CPSF2: variants seen among roughly 807,000 people sequenced by gnomAD.
CPSF2 encodes the protein cleavage and polyadenylation specific factor 2.
In CPSF2, 51 loss-of-function variants were observed where a neutral mutation model predicts 84.2. That is an observed-to-expected ratio of 0.61 (90% confidence interval 0.48 to 0.77). The LOEUF (loss-of-function observed/expected upper bound fraction) is 0.77. Among genes scored for constraint, CPSF2 ranks in the 30% least tolerant of loss-of-function variants. CPSF2 has a pLI of 0.00. For synonymous variants in CPSF2, 286 were observed against 311.9 expected (o/e 0.92, Z 0.87); for missense variants, 641 against 929.4 (o/e 0.69, Z 4.03).
chr14:92,122,361 C>T (rs746878638), intron 1 of CPSF2: 14 of 165,942 alleles, frequency 8.4e-5, no homozygotes, highest in Non-Finnish European at 1.9e-4. Context: ...CGTACGGTTC[C>T]CTCCCGGGAT....
rs1281601865 is a variant in CPSF2 at position 92,169,535 on chromosome 14, G to A, written c.*7791G>A. 6.6e-6 allele frequency: 1 copy of A among 152,008 alleles called. No individual in the cohort carries two copies. Among genetic ancestry groups the A allele is most frequent in the South Asian group, 2.1e-4 (1 of 4,820 alleles). 9.4% of individuals were successfully genotyped at this position (152,008 alleles called of 1,614,324 possible). ...AACTTCACCCATAGGTCATGGTATA[G>A]TTGAAATTTCATATTTAAATATCAA... On this transcript the variant is annotated 3_prime_UTR_variant, in exon 16 of 16. Coordinates refer to ENST00000298875, the MANE Select transcript of CPSF2 (RefSeq NM_017437.3).
chr14:92,168,507 A>C lies in CPSF2; in HGVS notation c.*6763A>C, dbSNP rs1416475484. On this transcript the variant is annotated 3_prime_UTR_variant, in exon 16 of 16. Coordinates refer to ENST00000298875, the MANE Select transcript of CPSF2 (RefSeq NM_017437.3). ...TATACGCACATGCACACACAGCTCT[A>C]TTTTTTGGTGCTTTTCGTTCATTAT... 6.6e-6 allele frequency: 1 copy of C among 152,038 alleles called. No homozygotes were observed. Among genetic ancestry groups the C allele is most frequent in the Non-Finnish European group, 1.5e-5 (1 of 68,006 alleles). The allele number at this position is 152,038 out of a possible 1,614,324, so 9.4% of individuals were successfully genotyped here. A position where few individuals can be genotyped will look rare whatever the true frequency, so the allele number is the denominator to read the frequency against.
Position 92,171,668 on chromosome 14 carries a change from A to G in CPSF2, c.*9924A>G. 1 of 152,252 alleles carries G rather than the reference A, an allele frequency of 6.6e-6. No individual in the cohort carries two copies. The highest frequency in any genetic ancestry group is 6.5e-5 in the Admixed American group (1 of 15,286). The allele number at this position is 152,252 out of a possible 1,614,324, so 9.4% of individuals were successfully genotyped here. ...TCATTGCCCCTGTGCTAGCATTGCCACTGTGCGTTCTCCCAGTGGACAAAT... is the reference window on the plus strand; with the variant it reads ...TCATTGCCCCTGTGCTAGCATTGCCGCTGTGCGTTCTCCCAGTGGACAAAT... On this transcript the variant is annotated 3_prime_UTR_variant, in exon 16 of 16. Transcript: ENST00000298875.
chr14:92,164,732 A>G lies in CPSF2; in HGVS notation c.*2988A>G, dbSNP rs2069421064. 1 of 152,232 alleles carries G rather than the reference A, an allele frequency of 6.6e-6. No homozygotes were observed. The highest frequency in any genetic ancestry group is 1.5e-5 in the Non-Finnish European group (1 of 68,038). The allele number at this position is 152,232 out of a possible 1,614,324, so 9.4% of individuals were successfully genotyped here. ...GGTGGCCTGAAACAGAAGTGAGGAA[A>G]TCAATTTTTTAAGGTGAGCCATTTG... On this transcript the variant is annotated 3_prime_UTR_variant, in exon 16 of 16. Transcript: ENST00000298875.
At chr14:92,141,816 G>A (rs1455136643) in intron 7 of CPSF2, among the ~76,000 whole-genome samples, 1 of 152,106 alleles carries the variant, frequency 6.6e-6, no homozygotes, top group African/African-American at 2.4e-5. Flanking sequence ...AGGGTAGCCC[G>A]GAAACACCAG....
chr14:92,138,391 C>T, intron 7 of CPSF2, 44 bp downstream of exon 7: 1 of 1,048,598 alleles, frequency 9.5e-7, no homozygotes. Flanking sequence ...TATTTTGTAA[C>T]TTTTTGTATA....
Position 92,161,720 on chromosome 14 carries a change from A to T in CPSF2, c.2325A>T (p.Leu775Phe). The change falls in exon 16 of 16, where the codon TTA becomes TTT. Residue 775 changes from leucine to phenylalanine, a missense_variant. By Grantham distance (22) the Leu-to-Phe change is conservative (BLOSUM62 0). Around this residue, in one of 2 missense-constraint regions of CPSF2, gnomAD observed 430 missense variants for 553.6 expected, o/e 0.78. Transcript: ENST00000298875. ...CQDFYRIRDLLYEQYAIV is the reference protein window; with the variant it reads ...CQDFYRIRDLFYEQYAIV ...ATTTTTATAGGATAAGAGACCTTTT[A>T]TATGAACAATATGCCATTGTATAAA... 6.3e-7 allele frequency: 1 copy of T among 1,583,712 alleles called. No homozygotes were observed.
chr14:92,133,236 A>G (rs569041449), intron 3 of CPSF2, among the ~76,000 whole-genome samples: 78 of 152,078 alleles, frequency 5.1e-4, no homozygotes, highest in African/African-American at 1.8e-3. Context: ...CCTAACCAAC[A>G]TAGAGAAACC....
In CPSF2 at chr14:92,165,064, A is replaced by T. The variant is rs1179013106; in HGVS notation, c.*3320A>T. The T allele has an allele frequency of 6.6e-6, 1 of 152,216 alleles. No individual in the cohort carries two copies. The highest frequency in any genetic ancestry group is 2.4e-5 in the African/African-American group (1 of 41,468). The allele number at this position is 152,216 out of a possible 1,614,324, so 9.4% of individuals were successfully genotyped here. On this transcript the variant is annotated 3_prime_UTR_variant, in exon 16 of 16. Transcript: ENST00000298875. ...TTATGTTTGACTTCTTTCACTTAGCATAATGTTTTCAGAGTGCATCACTGT... is the reference window on the plus strand; with the variant it reads ...TTATGTTTGACTTCTTTCACTTAGCTTAATGTTTTCAGAGTGCATCACTGT...
At chr14:92,133,400 A>G (rs999846677) in intron 3 of CPSF2, among the ~76,000 whole-genome samples, 1 of 152,102 alleles carries the variant, frequency 6.6e-6, no homozygotes, top group African/African-American at 2.4e-5. Context: ...AGCCTGGGCA[A>G]CAAGAGCAAA....
At position 92,145,136 on chromosome 14, in the gene CPSF2, A is replaced by T. The variant is rs75658648; in HGVS notation, c.1140+1842A>T. On this transcript the variant is annotated intron_variant, in intron 9 of 15. Coordinates refer to ENST00000298875, the MANE Select transcript of CPSF2 (RefSeq NM_017437.3). The stretch of plus-strand genomic sequence containing the variant: ...GATGGTTAATAACTGCCAGAGTTGT[A>T]CAAAGGTTTAGCTGACTAAACCTTA... Among the ~76,000 whole-genome samples, 1,478 of 152,354 alleles carry T rather than the reference A, an allele frequency of 9.7e-3. 65 individuals carry two copies. In the East Asian group the frequency reaches 0.13, roughly 13 times the overall value.
chr14:92,122,883 T>G (rs1286144425), intron 1 of CPSF2, among the ~76,000 whole-genome samples: 1 of 151,516 alleles, frequency 6.6e-6, no homozygotes, highest in African/African-American at 2.4e-5. Flanking sequence ...AAGACGGGGT[T>G]TCACTATGTT....
chr14:92,157,776 T>G lies in CPSF2; in HGVS notation c.1713T>G (p.Ser571Arg). Residue 571 changes from serine to arginine, a missense_variant, in exon 13 of 16, where the codon AGT (serine) becomes AGG (arginine). Transcript: ENST00000298875. The surrounding 1 kb of genome is among the most constrained non-coding windows in gnomAD (Gnocchi z 4.0). ...LIIVHGPPEASQDLAECCRAF... is the reference protein window; with the variant it reads ...LIIVHGPPEARQDLAECCRAF... Reference sequence around the variant, plus strand: ...TCGTCCATGGCCCACCAGAGGCCAGTCAAGATCTGGCAGAGTGCTGTCGCG... The same window carrying G: ...TCGTCCATGGCCCACCAGAGGCCAGGCAAGATCTGGCAGAGTGCTGTCGCG... 6.2e-7 allele frequency: 1 copy of G among 1,613,866 alleles called. No homozygotes were observed. The highest frequency in any genetic ancestry group is 8.5e-7 in the Non-Finnish European group (1 of 1,179,766).
intron 11 of CPSF2, 144 bp from the exon 12 acceptor site, chr14:92,156,335 T>A (rs45600140): frequency 0.19 from 119,742 of 634,124 alleles, 12,585 homozygotes; most frequent in East Asian, 0.33. Flanking sequence ...GTAATTGATA[T>A]GAAATTGCAT....
chr14:92,147,569 T>C (rs1309001899), intron 9 of CPSF2, among the ~76,000 whole-genome samples: 1 of 152,184 alleles, frequency 6.6e-6, no homozygotes, highest in Non-Finnish European at 1.5e-5. Flanking sequence ...GTAAATACTT[T>C]GTTAAAGATT....
At chr14:92,142,563 C>T (rs79559709) in intron 8 of CPSF2, among the ~76,000 whole-genome samples, 1 of 152,066 alleles carries the variant, frequency 6.6e-6, no homozygotes, top group African/African-American at 2.4e-5. Flanking sequence ...TCCATTGTGT[C>T]CCTGTTTTAA....
chr14:92,157,962 C>T lies in CPSF2; in HGVS notation c.1821+78C>T. ...GTTAGGACAGATAACATTAGAAATA[C>T]CGAGATGTGTGAGACAGACATGGAT... On this transcript the variant is annotated intron_variant, in intron 13 of 15. Coordinates refer to ENST00000298875, the MANE Select transcript of CPSF2 (RefSeq NM_017437.3). This position sits in a 1 kb window ranked among gnomAD's most constrained non-coding sequence, Gnocchi z 4.0. 2 of 993,708 alleles carry T rather than the reference C, an allele frequency of 2.0e-6. No homozygotes were observed. The highest frequency in any genetic ancestry group is 2.4e-5 in the East Asian group (1 of 41,108). The allele number at this position is 993,708 out of a possible 1,614,324, so 61.6% of individuals were successfully genotyped here.
In CPSF2 at chr14:92,142,818, G is replaced by A. The variant is rs777423301; in HGVS notation, c.850-186G>A. Among the ~76,000 whole-genome samples, 11 of 152,260 alleles carry A rather than the reference G, an allele frequency of 7.2e-5. No individual in the cohort carries two copies. In the South Asian group the frequency reaches 1.7e-3, roughly 23 times the overall value. ...ATAATGCAAAATTGGTTTTCTTTGG[G>A]ATGAAAGTGAGGGTGGGATAATCTA... On this transcript the variant is annotated intron_variant, in intron 8 of 15. Transcript: ENST00000298875.
At position 92,161,885 on chromosome 14, in the gene CPSF2, T is replaced by C; in HGVS notation, c.*141T>C. On this transcript the variant is annotated 3_prime_UTR_variant, in exon 16 of 16. Transcript: ENST00000298875. ...CTTACATGTATCAGATTTTTAAAAA[T>C]ATAAATAGAGAACATTTTGCAAATG... is the stretch of plus-strand genomic sequence containing the variant. 2 of 566,216 alleles carry C rather than the reference T, an allele frequency of 3.5e-6. No individual in the cohort carries two copies. Among genetic ancestry groups the C allele is most frequent in the Admixed American group, 7.7e-5 (2 of 25,858 alleles). The allele number at this position is 566,216 out of a possible 1,614,324, so 35.1% of individuals were successfully genotyped here.
Sources: gnomAD v4.1 joint callset for allele counts (sites outside exome capture counted in the v4.1 genomes callset) on GRCh38, gnomAD v4.1.1 for gene constraint, gnomAD v4.1.1 regional missense constraint, Gnocchi (gnomAD v3.1) non-coding constraint, MANE v1.5 for transcripts, NCBI Gene and HGNC (gene_info 2026-07-23, HGNC 2026-07-21) for gene names.